The following GRHL2 variants were observed in gnomAD, a reference collection of about 807,000 sequenced individuals.
GRHL2 encodes grainyhead-like protein 2 homolog.
In GRHL2, 21 loss-of-function variants were observed where a neutral mutation model predicts 83.8. The observed-to-expected ratio is 0.25, with a 90% confidence interval of 0.18 to 0.36. The LOEUF (loss-of-function observed/expected upper bound fraction) is 0.36, where lower values mean the gene tolerates loss of function less well. Among genes scored for constraint, GRHL2 ranks in the 10% least tolerant of loss-of-function variants. The probability of loss-of-function intolerance (pLI) is 1.00; values close to 1 mark genes in which losing one functional copy is unlikely to be tolerated. For synonymous variants in GRHL2, 280 were observed against 278.9 expected (o/e 1.00, Z -0.04); for missense variants, 623 against 781.8 (o/e 0.80, Z 2.42).
chr8:101,676,750 A>T, the GRHL2 span, among the ~76,000 whole-genome samples: 1 of 152,200 alleles, frequency 6.6e-6, no homozygotes, highest in South Asian at 2.1e-4. Flanking sequence ...TGCTATAAAG[A>T]TACATGCACA....
chr8:101,527,589 G>A (rs188794544), intron 1 of GRHL2, among the ~76,000 whole-genome samples: 113 of 152,218 alleles, frequency 7.4e-4, no homozygotes, highest in African/African-American at 2.5e-3. Context: ...TTTCTTAGTG[G>A]CATACATTTC....
At chr8:101,533,302 C>G (rs1040894764) in intron 1 of GRHL2, among the ~76,000 whole-genome samples, 2 of 152,172 alleles carry the variant, frequency 1.3e-5, no homozygotes, top group Non-Finnish European at 2.9e-5. Context: ...TACAAATATG[C>G]TGTGAATTGA....
chr8:101,538,417 G>T (rs1449854161), intron 1 of GRHL2, among the ~76,000 whole-genome samples: 1 of 152,018 alleles, frequency 6.6e-6, no homozygotes, highest in Non-Finnish European at 1.5e-5. Context: ...AGAAGTCATG[G>T]ATTAAAGAAA....
chr8:101,520,337 A>G (rs1197965434), intron 1 of GRHL2, among the ~76,000 whole-genome samples: 1 of 152,214 alleles, frequency 6.6e-6, no homozygotes, highest in South Asian at 2.1e-4. Flanking sequence ...AAAATTTAAG[A>G]CAGTTATCTG....
intron 3 of GRHL2, 81 bp downstream of exon 3, chr8:101,552,863 A>C: frequency 7.5e-7 from 1 of 1,334,508 alleles, no homozygotes; most frequent in Non-Finnish European, 1.1e-6. Context: ...TTTGTTCTTG[A>C]GAGGAGATGG....
intron 1 of GRHL2, among the ~76,000 whole-genome samples, chr8:101,503,245 T>C (rs1349372304): frequency 6.6e-6 from 1 of 152,222 alleles, no homozygotes; most frequent in African/African-American, 2.4e-5. Context: ...AGTCCTGGTG[T>C]ATACTTTTAA....
intron 14 of GRHL2, among the ~76,000 whole-genome samples, chr8:101,652,520 T>G (rs1011443253): frequency 2.5e-5 from 1 of 40,546 alleles, no homozygotes. Context: ...GGTGTGTGTG[T>G]GGTGTGTGTG....
intron 12 of GRHL2, among the ~76,000 whole-genome samples, chr8:101,642,221 CCTA>C (rs760268165): frequency 6.6e-6 from 1 of 152,170 alleles, no homozygotes; most frequent in Non-Finnish European, 1.5e-5. Flanking sequence ...CTTATTCACT[CCTA>C]CTGAGTTTAT....
chr8:101,615,195 A>G (rs962604338), intron 8 of GRHL2, among the ~76,000 whole-genome samples: 5 of 152,170 alleles, frequency 3.3e-5, no homozygotes, highest in Admixed American at 6.5e-5. Context: ...CTCCAGGGAA[A>G]ATTTAGACTA....
At chr8:101,534,471 T>C (rs551869879) in intron 1 of GRHL2, among the ~76,000 whole-genome samples, 1 of 151,676 alleles carries the variant, frequency 6.6e-6, no homozygotes, top group African/African-American at 2.4e-5. Context: ...AGCTGCAGAG[T>C]TTTATTATCT....
intron 14 of GRHL2, among the ~76,000 whole-genome samples, chr8:101,663,282 T>C (rs1813964060): frequency 6.6e-6 from 1 of 152,210 alleles, no homozygotes; most frequent in African/African-American, 2.4e-5. Flanking sequence ...TCTCATACTC[T>C]GGCTGATGCT....
At chr8:101,583,006 C>T (rs759217217) in intron 7 of GRHL2, among the ~76,000 whole-genome samples, 1 of 152,168 alleles carries the variant, frequency 6.6e-6, no homozygotes, top group Non-Finnish European at 1.5e-5. Context: ...AATTGCCATT[C>T]ATCCAAGTGG....
chr8:101,552,579 C>T, intron 2 of GRHL2, 136 bp from the exon 3 acceptor site: 1 of 768,970 alleles, frequency 1.3e-6, no homozygotes, highest in African/African-American at 1.7e-5. Flanking sequence ...TTTATCATCT[C>T]CTGGTGATAG....
intron 12 of GRHL2, 110 bp downstream of exon 12, chr8:101,637,038 C>T: frequency 2.1e-6 from 2 of 949,170 alleles, no homozygotes; most frequent in Non-Finnish European, 3.5e-6. Context: ...CTCCTCTCAC[C>T]TCAGGACTCA....
At chr8:101,637,351 G>T (rs576416586) in intron 12 of GRHL2, among the ~76,000 whole-genome samples, 11 of 152,138 alleles carry the variant, frequency 7.2e-5, no homozygotes, top group Non-Finnish European at 1.3e-4. Flanking sequence ...GTACTGCCTG[G>T]GATGCACACA....
chr8:101,557,790 GT>G (rs1222521878), intron 3 of GRHL2, among the ~76,000 whole-genome samples: 2 of 152,082 alleles, frequency 1.3e-5, no homozygotes, highest in African/African-American at 4.8e-5. Flanking sequence ...TTTTGATGTT[GT>G]TTAAGTCATT....
chr8:101,512,193 T>C (rs896535173), intron 1 of GRHL2, among the ~76,000 whole-genome samples: 1 of 152,284 alleles, frequency 6.6e-6, no homozygotes, highest in South Asian at 2.1e-4. Flanking sequence ...TCTGTAGTTC[T>C]TAAGAAAACC....
chr8:101,563,580 G>T (rs894451484), intron 4 of GRHL2, among the ~76,000 whole-genome samples: 1 of 152,080 alleles, frequency 6.6e-6, no homozygotes, highest in African/African-American at 2.4e-5. Flanking sequence ...TCCTTAAGAG[G>T]CTGTCATATT....
chr8:101,580,003 A>AC lies in GRHL2; in HGVS notation c.1003+2489dup, dbSNP rs913722384. Among the ~76,000 whole-genome samples the AC allele has an allele frequency of 4.2e-4, 64 of 152,202 alleles. 1 individual carries two copies. Among genetic ancestry groups the AC allele is most frequent in the African/African-American group, 1.4e-3 (60 of 41,528 alleles). ...TTATTTAATGCATTTCTTTTTTGAA[A>AC]CCCCCGTGAAACTGGAGGTTAAACT... On this transcript the variant is annotated intron_variant, in intron 7 of 15. Transcript: ENST00000646743.
Sources: allele counts gnomAD v4.1 joint callset (sites outside exome capture counted in the v4.1 genomes callset), GRCh38; gene constraint gnomAD v4.1.1; transcripts MANE v1.5; gene names NCBI Gene and HGNC (gene_info 2026-07-23, HGNC 2026-07-21).